The following LRRC7 variants were observed in gnomAD, a reference collection of about 807,000 sequenced individuals.
LRRC7 encodes the protein leucine rich repeat containing 7.
LRRC7 carries 23 observed loss-of-function variants against 175.7 expected under a neutral mutation model. The observed-to-expected ratio is 0.13, with a 90% CI of 0.09 to 0.19. The LOEUF (loss-of-function observed/expected upper bound fraction) is 0.19. LRRC7 is among the 10% of genes least tolerant of loss of function. The pLI, the probability that LRRC7 is intolerant of heterozygous loss-of-function variation, is 1.00. For synonymous variants in LRRC7, 685 were observed against 680.9 expected, an observed-to-expected ratio of 1.01 and a Z score of -0.09; for missense variants, 1,354 against 1,904.7, an observed-to-expected ratio of 0.71 and a Z score of 5.38.
chr1:70,041,389 A>G (rs561266824), intron 21 of LRRC7, among the ~76,000 whole-genome samples: 56 of 152,332 alleles, frequency 3.7e-4, no homozygotes, highest in Non-Finnish European at 6.0e-4. Context: ...TGCCTTGCAA[A>G]ATATTTCATC....
Position 70,016,455 on chromosome 1 carries a change from GT to G in LRRC7, c.1251-5del. 1.9e-6 allele frequency: 3 copies of G among 1,571,110 alleles called. No homozygotes were observed. Among genetic ancestry groups the G allele is most frequent in the Non-Finnish European group, 1.7e-6 (2 of 1,160,472 alleles). ...TTACCCATGCTATTAGACTTTTTGTGTTTTTGCAGATTGAAGAATTTACCAT... is the reference window on the plus strand; with the variant it reads ...TTACCCATGCTATTAGACTTTTTGTGTTTTGCAGATTGAAGAATTTACCAT... On this transcript the variant is annotated splice_polypyrimidine_tract_variant and intron_variant, in intron 13 of 26. Coordinates refer to ENST00000651989, the MANE Select transcript of LRRC7 (RefSeq NM_001370785.2).
At chr1:69,812,383 G>A (rs888955359) in intron 4 of LRRC7, among the ~76,000 whole-genome samples, 2 of 151,922 alleles carry the variant, frequency 1.3e-5, no homozygotes, top group Non-Finnish European at 2.9e-5. Flanking sequence ...TAGTTAAATG[G>A]GAATAATGAA....
intron 1 of LRRC7, among the ~76,000 whole-genome samples, chr1:69,590,004 C>T (rs950745052): frequency 3.9e-5 from 6 of 152,132 alleles, no homozygotes; most frequent in Non-Finnish European, 7.3e-5. Context: ...TCTTTGTCCT[C>T]GGCTATATTT....
chr1:69,842,891 T>C (rs1014159349), intron 7 of LRRC7, among the ~76,000 whole-genome samples: 1 of 152,092 alleles, frequency 6.6e-6, no homozygotes, highest in African/African-American at 2.4e-5. Context: ...TTATGTAAAA[T>C]AAGCCACATC....
chr1:69,896,375 C>T (rs1645979793), intron 7 of LRRC7, among the ~76,000 whole-genome samples: 1 of 152,172 alleles, frequency 6.6e-6, no homozygotes, highest in Non-Finnish European at 1.5e-5. Context: ...TCCTCCTGAT[C>T]TATCAAACAC....
intron 3 of LRRC7, among the ~76,000 whole-genome samples, chr1:69,773,523 A>G (rs1672474618): frequency 6.6e-6 from 1 of 152,208 alleles, no homozygotes; most frequent in Admixed American, 6.5e-5. Context: ...CACTTATAAA[A>G]GGAATTAAGG....
chr1:69,872,028 T>C (rs549503426), intron 7 of LRRC7, among the ~76,000 whole-genome samples: 52 of 152,014 alleles, frequency 3.4e-4, no homozygotes, highest in Non-Finnish European at 7.1e-4. Context: ...AATACTGTAA[T>C]GAAACATTAT....
intron 1 of LRRC7, 123 bp downstream of exon 1, chr1:69,568,764 C>A: frequency 1.7e-6 from 1 of 586,818 alleles, no homozygotes; most frequent in Non-Finnish European, 2.3e-6. Context: ...GGGCGGGAGG[C>A]TTCGGCGCTC....
chr1:69,901,648 A>G (rs763072185), intron 7 of LRRC7, among the ~76,000 whole-genome samples: 1 of 152,182 alleles, frequency 6.6e-6, no homozygotes, highest in Admixed American at 6.5e-5. Flanking sequence ...AGAAATAACT[A>G]TCTCTTCCTT....
At chr1:70,100,039 C>T (rs1664703394) in intron 25 of LRRC7, among the ~76,000 whole-genome samples, 1 of 152,022 alleles carries the variant, frequency 6.6e-6, no homozygotes, top group South Asian at 2.1e-4. Flanking sequence ...AAGAATTTCA[C>T]TAAGAAATAA....
At chr1:69,663,001 T>C (rs1657702134) in intron 1 of LRRC7, among the ~76,000 whole-genome samples, 1 of 152,208 alleles carries the variant, frequency 6.6e-6, no homozygotes, top group African/African-American at 2.4e-5. Flanking sequence ...TAGGGTTTCA[T>C]GAGGTTGGAT....
At chr1:70,042,799 TAATG>T (rs1368071206) in intron 21 of LRRC7, among the ~76,000 whole-genome samples, 2 of 152,170 alleles carry the variant, frequency 1.3e-5, no homozygotes, top group Non-Finnish European at 2.9e-5. Context: ...TATGAAATAA[TAATG>T]AATCCATAAC....
intron 8 of LRRC7, among the ~76,000 whole-genome samples, chr1:69,979,640 C>G (rs1653209786): frequency 1.3e-5 from 2 of 152,076 alleles, no homozygotes; most frequent in Non-Finnish European, 2.9e-5. Context: ...CATGTACATA[C>G]AAGGCATGTA....
chr1:69,665,005 T>C (rs1658061743), intron 1 of LRRC7, among the ~76,000 whole-genome samples: 1 of 152,144 alleles, frequency 6.6e-6, no homozygotes, highest in South Asian at 2.1e-4. Flanking sequence ...GGTGTCGAAT[T>C]TCATTTTTTT....
At chr1:69,670,349 T>C (rs1271258508) in intron 1 of LRRC7, among the ~76,000 whole-genome samples, 1 of 152,214 alleles carries the variant, frequency 6.6e-6, no homozygotes, top group Non-Finnish European at 1.5e-5. Flanking sequence ...CTTAGTTGTC[T>C]TGCATAAGAT....
chr1:69,575,130 A>G (rs1452904938), intron 1 of LRRC7, among the ~76,000 whole-genome samples: 1 of 152,134 alleles, frequency 6.6e-6, no homozygotes, highest in East Asian at 1.9e-4. Flanking sequence ...GTCTCATTTT[A>G]TAAAAAGAAG....
At chr1:69,713,363 C>A (rs973178797) in intron 2 of LRRC7, among the ~76,000 whole-genome samples, 1 of 151,870 alleles carries the variant, frequency 6.6e-6, no homozygotes, top group Non-Finnish European at 1.5e-5. Flanking sequence ...GGTGTGGTGA[C>A]CTTCACCTGT....
intron 7 of LRRC7, among the ~76,000 whole-genome samples, chr1:69,920,790 C>G (rs186032119): frequency 1.8e-4 from 27 of 152,300 alleles, no homozygotes; most frequent in Admixed American, 1.8e-3. Flanking sequence ...ATGAGCATTT[C>G]TTATTCACTT....
chr1:69,962,339 G>A (rs563824869), intron 8 of LRRC7, among the ~76,000 whole-genome samples: 28 of 152,284 alleles, frequency 1.8e-4, no homozygotes, highest in African/African-American at 6.3e-4. Flanking sequence ...AACAGATTCT[G>A]GTGAGATTGT....
Sources: allele counts gnomAD v4.1 joint callset (sites outside exome capture counted in the v4.1 genomes callset), GRCh38; gene constraint gnomAD v4.1.1; transcripts MANE v1.5; gene names NCBI Gene and HGNC (gene_info 2026-07-23, HGNC 2026-07-21).